The following GALNT13 variants were observed in gnomAD, a reference collection of about 807,000 sequenced individuals.
GALNT13 encodes the protein polypeptide N-acetylgalactosaminyltransferase 13.
A neutral mutation model predicts 64.2 loss-of-function variants in GALNT13; 28 were observed. The observed-to-expected ratio is 0.44, with a 90% CI of 0.32 to 0.60. The LOEUF (loss-of-function observed/expected upper bound fraction) is 0.60, where lower values mean the gene tolerates loss of function less well. Among genes scored for constraint, GALNT13 ranks in the 20% least tolerant of loss-of-function variants. GALNT13 has a pLI of 0.05. For missense variants in GALNT13, 577 were observed against 669.8 expected (o/e 0.86, Z 1.53); for synonymous variants, 214 against 224.6 (o/e 0.95, Z 0.42).
the GALNT13 span, among the ~76,000 whole-genome samples, chr2:153,806,624 T>C: frequency 6.6e-6 from 1 of 150,730 alleles, no homozygotes; most frequent in African/African-American, 2.4e-5. Context: ...ATTATCATGA[T>C]GTCAAAGGGG....
chr2:153,649,334 G>A, the GALNT13 span, among the ~76,000 whole-genome samples: 9 of 151,928 alleles, frequency 5.9e-5, no homozygotes, highest in South Asian at 4.2e-4. Flanking sequence ...TTTTTATTGC[G>A]TCTGTTTGAT....
At chr2:153,206,150 A>C in the GALNT13 span, among the ~76,000 whole-genome samples, 1 of 152,130 alleles carries the variant, frequency 6.6e-6, no homozygotes, top group South Asian at 2.1e-4. Context: ...CTGGTACTAT[A>C]ATAAGGAACT....
chr2:154,024,872 G>T (rs983850596), intron 3 of GALNT13, among the ~76,000 whole-genome samples: 1 of 152,044 alleles, frequency 6.6e-6, no homozygotes, highest in African/African-American at 2.4e-5. Context: ...TGGGTTTTTG[G>T]TGTGGATGTC....
chr2:153,089,943 G>A, the GALNT13 span, among the ~76,000 whole-genome samples: 1 of 152,202 alleles, frequency 6.6e-6, no homozygotes, highest in East Asian at 1.9e-4. Context: ...GCAATTCAGA[G>A]ACTTCATCTT....
At chr2:153,885,166 T>C (rs1363431042) in intron 1 of GALNT13, among the ~76,000 whole-genome samples, 1 of 152,034 alleles carries the variant, frequency 6.6e-6, no homozygotes, top group Non-Finnish European at 1.5e-5. Flanking sequence ...ATCATTTTAT[T>C]GAGAATAAAG....
At chr2:154,320,799 G>C (rs1694581067) in intron 9 of GALNT13, among the ~76,000 whole-genome samples, 2 of 152,046 alleles carry the variant, frequency 1.3e-5, no homozygotes, top group Admixed American at 1.3e-4. Context: ...TTCTGGTATT[G>C]ACAGCCAGAT....
the GALNT13 span, among the ~76,000 whole-genome samples, chr2:153,461,156 T>A: frequency 6.6e-6 from 1 of 152,132 alleles, no homozygotes; most frequent in African/African-American, 2.4e-5. Flanking sequence ...AGCTTGTCTC[T>A]TTTGCTTCAT....
In GALNT13 at chr2:153,970,379, G is replaced by A. The variant is rs1455468806; in HGVS notation, c.142+25740G>A. ...GTCTTAGAGGCTGTCACACCCTCCT[G>A]GTTTTCTACCTCACTGACGACTTCT... On this transcript the variant is annotated intron_variant, in intron 3 of 12. Transcript: ENST00000392825. 2.6e-5 allele frequency among the ~76,000 whole-genome samples: 4 copies of A among 152,056 alleles called. No individual in the cohort carries two copies. The South Asian group carries it at 6.2e-4, about 24-fold the overall frequency.
the GALNT13 span, among the ~76,000 whole-genome samples, chr2:153,209,538 T>C: frequency 6.6e-6 from 1 of 152,228 alleles, no homozygotes; most frequent in African/African-American, 2.4e-5. Context: ...CTTATCTTTA[T>C]GCCAATATTA....
chr2:153,798,332 A>G, the GALNT13 span, among the ~76,000 whole-genome samples: 1 of 152,174 alleles, frequency 6.6e-6, no homozygotes, highest in Admixed American at 6.5e-5. Context: ...CTATTGTATG[A>G]TAATATGTAT....
At chr2:154,036,411 C>A (rs1241829235) in intron 3 of GALNT13, among the ~76,000 whole-genome samples, 2 of 152,000 alleles carry the variant, frequency 1.3e-5, no homozygotes, top group African/African-American at 4.8e-5. Context: ...AAAACAAAAG[C>A]TTCTGAGAGG....
At chr2:153,993,678 A>C (rs903300479) in intron 3 of GALNT13, among the ~76,000 whole-genome samples, 2 of 141,908 alleles carry the variant, frequency 1.4e-5, no homozygotes, top group African/African-American at 5.4e-5. Flanking sequence ...CCTGGGCGAC[A>C]GAGCAAGACT....
the GALNT13 span, among the ~76,000 whole-genome samples, chr2:153,193,475 T>C: frequency 4.4e-3 from 650 of 147,434 alleles, 2 homozygotes; most frequent in African/African-American, 0.012. Flanking sequence ...AGGGATAGCA[T>C]TGGGAGATAT....
chr2:153,449,851 A>T, the GALNT13 span: 1 of 152,216 alleles, frequency 6.6e-6, no homozygotes, highest in Non-Finnish European at 1.5e-5. Context: ...CTACTTTTAT[A>T]TAAGGGTCAT....
the GALNT13 span, among the ~76,000 whole-genome samples, chr2:153,140,578 A>C: frequency 6.6e-6 from 1 of 152,052 alleles, no homozygotes; most frequent in Non-Finnish European, 1.5e-5. Flanking sequence ...GGACCCCAGA[A>C]TCTATGTCTG....
chr2:153,908,137 T>A (rs1288399779), intron 2 of GALNT13, among the ~76,000 whole-genome samples: 1 of 152,158 alleles, frequency 6.6e-6, no homozygotes, highest in Non-Finnish European at 1.5e-5. Flanking sequence ...GTGGTTTTGG[T>A]TTCCATTTCT....
the GALNT13 span, among the ~76,000 whole-genome samples, chr2:153,649,237 C>A: frequency 7.9e-5 from 12 of 152,140 alleles, no homozygotes; most frequent in African/African-American, 2.9e-4. Context: ...TCTAGATTTT[C>A]TAGTTTATTT....
the GALNT13 span, among the ~76,000 whole-genome samples, chr2:153,214,978 T>C: frequency 6.6e-6 from 1 of 152,116 alleles, no homozygotes; most frequent in Non-Finnish European, 1.5e-5. Context: ...GTTTACACAT[T>C]AGAATGAGTT....
chr2:154,290,661 G>A (rs1052990511), intron 8 of GALNT13, among the ~76,000 whole-genome samples: 3 of 152,176 alleles, frequency 2.0e-5, no homozygotes, highest in African/African-American at 7.2e-5. Context: ...TGCTAGGAGG[G>A]CTCATGTTGT....
Sources: gnomAD v4.1 joint callset for allele counts (sites outside exome capture counted in the v4.1 genomes callset) on GRCh38, gnomAD v4.1.1 for gene constraint, MANE v1.5 for transcripts, NCBI Gene and HGNC (gene_info 2026-07-23, HGNC 2026-07-21) for gene names.